The following ZNF638 variants were observed in gnomAD, a reference collection of about 807,000 sequenced individuals.
ZNF638 encodes the protein CTCL tumor antigen se33-1.
ZNF638 carries 46 observed loss-of-function variants against 195.6 expected under a neutral mutation model. The observed-to-expected ratio is 0.24, with a 90% CI of 0.19 to 0.30. The LOEUF (loss-of-function observed/expected upper bound fraction) is 0.30, where lower values mean the gene tolerates loss of function less well. Among genes scored for constraint, ZNF638 ranks in the 10% least tolerant of loss-of-function variants. ZNF638 has a pLI of 1.00. For missense variants in ZNF638, 2,440 were observed against 2,325.3 expected (o/e 1.05, Z -1.01); for synonymous variants, 845 against 772.0 (o/e 1.09, Z -1.57).
intron 3 of ZNF638, among the ~76,000 whole-genome samples, chr2:71,356,634 A>T (rs1046111058): frequency 6.6e-6 from 1 of 152,096 alleles, no homozygotes; most frequent in African/African-American, 2.4e-5. Flanking sequence ...AAATAAAAAT[A>T]AAAAAATCAG....
intron 27 of ZNF638, 59 bp downstream of exon 27, chr2:71,433,342 A>T: frequency 8.2e-7 from 1 of 1,216,000 alleles, no homozygotes; most frequent in South Asian, 1.2e-5. Context: ...GAATCAAATT[A>T]TTTATCTCCC....
intron 3 of ZNF638, among the ~76,000 whole-genome samples, chr2:71,360,645 A>T (rs1236910011): frequency 2.6e-5 from 4 of 151,728 alleles, no homozygotes; most frequent in Non-Finnish European, 5.9e-5. Flanking sequence ...AATGTCTGGG[A>T]AACTTGTTGA....
intron 1 of ZNF638, among the ~76,000 whole-genome samples, chr2:71,336,243 G>A (rs1195648404): frequency 6.6e-6 from 1 of 151,970 alleles, no homozygotes; most frequent in Non-Finnish European, 1.5e-5. Context: ...GGTGGTGCAT[G>A]TCTGTAATCC....
intron 21 of ZNF638, among the ~76,000 whole-genome samples, chr2:71,419,932 A>G (rs75820128): frequency 0.069 from 9,733 of 141,614 alleles, 451 homozygotes; most frequent in East Asian, 0.11. Flanking sequence ...ACTAATTTTT[A>G]AAATTAGCAC....
intron 6 of ZNF638, among the ~76,000 whole-genome samples, chr2:71,366,731 A>G (rs779647980): frequency 3.3e-5 from 5 of 152,178 alleles, no homozygotes; most frequent in Admixed American, 6.5e-5. Context: ...CATCTGTTCT[A>G]TACTTTTTGT....
At chr2:71,347,212 C>G (rs2078865296) in intron 1 of ZNF638, among the ~76,000 whole-genome samples, 1 of 151,982 alleles carries the variant, frequency 6.6e-6, no homozygotes, top group South Asian at 2.1e-4. Flanking sequence ...GCAAAAATAC[C>G]TGTCTGATAA....
chr2:71,424,210 C>T (rs1197275067), intron 22 of ZNF638, among the ~76,000 whole-genome samples, 172 bp downstream of exon 22: 1 of 151,264 alleles, frequency 6.6e-6, no homozygotes, highest in African/African-American at 2.4e-5. Context: ...AGTAGACATT[C>T]AGAGTATTAA....
Position 71,434,189 on chromosome 2 carries a change from T to G in ZNF638, c.5872-553T>G, listed in dbSNP as rs147983401. ...TACTTCTCTGAATGCTTTCTGTGTT[T>G]CAGCTTTTCTGGCTCTCTCTGTTCT... On this transcript the variant is annotated intron_variant, in intron 27 of 27. Transcript: ENST00000264447. 2.4e-3 allele frequency among the ~76,000 whole-genome samples: 365 copies of G among 152,358 alleles called. 2 individuals carry two copies. Among genetic ancestry groups the G allele is most frequent in the African/African-American group, 8.3e-3 (347 of 41,588 alleles).
intron 19 of ZNF638, among the ~76,000 whole-genome samples, chr2:71,406,962 C>T (rs371722760): frequency 1.3e-5 from 2 of 152,122 alleles, no homozygotes; most frequent in African/African-American, 4.8e-5. Flanking sequence ...TTCACGCCAC[C>T]ACACTCCAGC....
In ZNF638 at chr2:71,402,972, G is replaced by A. The variant is rs143256056; in HGVS notation, c.2829+885G>A. 8.0e-3 allele frequency among the ~76,000 whole-genome samples: 1,221 copies of A among 152,214 alleles called. 47 individuals carry two copies. Among genetic ancestry groups the A allele is most frequent in the Admixed American group, 0.057 (876 of 15,278 alleles). On this transcript the variant is annotated intron_variant, in intron 16 of 27. Coordinates refer to ENST00000264447, the MANE Select transcript of ZNF638 (RefSeq NM_014497.5). ...GTAATTTCACATTATGTTAAAAGTA[G>A]ATTATTTGAATGATCGCAGAGCTCA...
chr2:71,343,185 T>G (rs2078791480), intron 1 of ZNF638, among the ~76,000 whole-genome samples: 1 of 152,202 alleles, frequency 6.6e-6, no homozygotes, highest in South Asian at 2.1e-4. Flanking sequence ...TTACTGAAAT[T>G]TGTTTTTTTT....
intron 4 of ZNF638, 56 bp from the exon 5 acceptor site, chr2:71,363,898 C>A: frequency 6.5e-7 from 1 of 1,536,652 alleles, no homozygotes; most frequent in Non-Finnish European, 8.8e-7. Context: ...CATTTATTAT[C>A]ATTTAAATTT....
Position 71,426,738 on chromosome 2 carries a change from A to G in ZNF638, c.4869A>G (p.Glu1623=), listed in dbSNP as rs761998032. ...HLAQALVTVD[E]VIDEEELNME... The stretch of plus-strand genomic sequence containing the variant: ...CACAAGCTCTAGTCACTGTGGATGA[A>G]GTAATTGATGAAGAAGAACTAAATA... Residue 1623 remains glutamate, a synonymous_variant, in exon 24 of 28, where the codon GAA becomes GAG. Coordinates refer to ENST00000264447, the MANE Select transcript of ZNF638 (RefSeq NM_014497.5). 2.5e-6 allele frequency: 4 copies of G among 1,614,026 alleles called. No individual in the cohort carries two copies. The highest frequency in any genetic ancestry group is 3.4e-6 in the Non-Finnish European group (4 of 1,180,022).
At chr2:71,404,132 C>T in intron 17 of ZNF638, 134 bp downstream of exon 17, 1 of 828,176 alleles carries the variant, frequency 1.2e-6, no homozygotes, top group Middle Eastern at 3.8e-4. Context: ...CTTCCTGTCC[C>T]TCCAACAATC....
intron 23 of ZNF638, among the ~76,000 whole-genome samples, chr2:71,425,554 G>A (rs978818672): frequency 1.3e-5 from 2 of 151,932 alleles, no homozygotes; most frequent in African/African-American, 2.4e-5. Context: ...TACTATTGAC[G>A]GCATTTTTAA....
Position 71,423,725 on chromosome 2 carries a change from C to G in ZNF638, c.4211C>G (p.Ala1404Gly). 1 of 1,613,848 alleles carries G rather than the reference C, an allele frequency of 6.2e-7. No individual in the cohort carries two copies. The highest frequency in any genetic ancestry group is 8.5e-7 in the Non-Finnish European group (1 of 1,179,998). The change falls in exon 22 of 28, where the codon GCA becomes GGA. Residue 1404 changes from alanine to glycine, a missense_variant. Physicochemically the swap from Ala to Gly is moderately conservative, Grantham distance 60 (BLOSUM62 0). Coordinates refer to ENST00000264447, the MANE Select transcript of ZNF638 (RefSeq NM_014497.5). ...GCTGTTATAGTCTCTTCTCCTAAGGCAAAAGCTACAGTTTCAAAAACTGAA... is the reference window on the plus strand; with the variant it reads ...GCTGTTATAGTCTCTTCTCCTAAGGGAAAAGCTACAGTTTCAAAAACTGAA... ...IKAVIVSSPK[A>G]KATVSKTENQ...
In ZNF638 at chr2:71,399,294, C is replaced by T. The variant is rs370609124; in HGVS notation, c.2501-265C>T. Among the ~76,000 whole-genome samples, 16 of 152,040 alleles carry T rather than the reference C, an allele frequency of 1.1e-4. No individual in the cohort carries two copies. The South Asian group carries it at 2.9e-3, about 28-fold the overall frequency. On this transcript the variant is annotated intron_variant, in intron 12 of 27. Coordinates refer to ENST00000264447, the MANE Select transcript of ZNF638 (RefSeq NM_014497.5). ...CAGAAATTACACAGTATTATTTTTG[C>T]GTGTGTGTGATTACAATGTTGGTCT...
rs2079159114 is a variant in ZNF638, at chr2:71,364,318, T to C, written c.1717+66T>C. On this transcript the variant is annotated intron_variant, in intron 5 of 27. Transcript: ENST00000264447. ...ACTAAATTTTTAAATGTCTTTCTTT[T>C]TGGATTTTGAGAAATGTTCTACTTT... 1.6e-5 allele frequency: 24 copies of C among 1,487,646 alleles called. No individual in the cohort carries two copies. In the South Asian group the frequency reaches 3.0e-4, roughly 18 times the overall value. The allele number at this position is 1,487,646 out of a possible 1,614,324, so 92.2% of individuals were successfully genotyped here.
intron 11 of ZNF638, among the ~76,000 whole-genome samples, chr2:71,397,265 A>G (rs145536009): frequency 6.6e-6 from 1 of 152,306 alleles, no homozygotes; most frequent in East Asian, 1.9e-4. Flanking sequence ...CTTAAGTCCC[A>G]GTACCCAGAT....
Sources: allele counts gnomAD v4.1 joint callset (sites outside exome capture counted in the v4.1 genomes callset), GRCh38; gene constraint gnomAD v4.1.1; transcripts MANE v1.5; gene names NCBI Gene and HGNC (gene_info 2026-07-23, HGNC 2026-07-21).